CSMD1: variants seen among roughly 807,000 people sequenced by gnomAD.
CSMD1 encodes the protein CUB and Sushi multiple domains 1, also known as CUB and sushi domain-containing protein 1.
A neutral mutation model predicts 417.5 loss-of-function variants in CSMD1; 213 were observed. The observed-to-expected ratio is 0.51, with a 90% CI of 0.46 to 0.57. CSMD1 has a LOEUF of 0.57. CSMD1 is among the 20% of genes least tolerant of loss of function. The pLI, the probability that CSMD1 is intolerant of heterozygous loss-of-function variation, is 0.00. For missense variants in CSMD1, 6,923 were observed against 4,529.7 expected (o/e 1.53, Z -15.17); for synonymous variants, 2,862 against 1,736.8 (o/e 1.65, Z -16.11).
intron 1 of CSMD1, among the ~76,000 whole-genome samples, chr8:4,871,840 G>T (rs150154423): frequency 1.3e-5 from 2 of 152,210 alleles, no homozygotes; most frequent in East Asian, 3.9e-4. Flanking sequence ...GGCAGGTTCT[G>T]TGCTTGCCAG....
intron 1 of CSMD1, among the ~76,000 whole-genome samples, chr8:4,854,210 G>T (rs531479952): frequency 6.6e-6 from 1 of 152,168 alleles, no homozygotes; most frequent in Non-Finnish European, 1.5e-5. Flanking sequence ...GGATGCAGGA[G>T]TGGAAAGATA....
intron 10 of CSMD1, among the ~76,000 whole-genome samples, chr8:3,496,440 G>T (rs953639229): frequency 2.6e-5 from 4 of 152,176 alleles, no homozygotes; most frequent in African/African-American, 9.7e-5. Context: ...ACTCCTCCAG[G>T]CCACAGAGCT....
At chr8:3,951,406 G>T (rs1222568490) in intron 5 of CSMD1, among the ~76,000 whole-genome samples, 2 of 152,184 alleles carry the variant, frequency 1.3e-5, no homozygotes, top group Non-Finnish European at 2.9e-5. Flanking sequence ...AGGCATTTGG[G>T]GCAGAATGTA....
At chr8:4,466,921 G>C (rs543188175) in intron 2 of CSMD1, among the ~76,000 whole-genome samples, 10 of 151,984 alleles carry the variant, frequency 6.6e-5, no homozygotes, top group African/African-American at 1.7e-4. Flanking sequence ...TGTTTTTACA[G>C]CATTGAAATT....
At chr8:3,833,288 T>C (rs554663200) in intron 5 of CSMD1, among the ~76,000 whole-genome samples, 31 of 152,270 alleles carry the variant, frequency 2.0e-4, no homozygotes, top group African/African-American at 7.5e-4. Flanking sequence ...CACTGATATC[T>C]GTTTATTTTA....
At chr8:3,970,386 C>G (rs1218846577) in intron 5 of CSMD1, among the ~76,000 whole-genome samples, 1 of 152,154 alleles carries the variant, frequency 6.6e-6, no homozygotes, top group African/African-American at 2.4e-5. Flanking sequence ...AACAGTAAAT[C>G]TGAAACGAGA....
intron 10 of CSMD1, among the ~76,000 whole-genome samples, chr8:3,523,006 TACACACACCCACAC>T (rs1797572462): frequency 8.8e-6 from 1 of 113,334 alleles, no homozygotes; most frequent in African/African-American, 3.6e-5. Context: ...GATACATATA[TACACACACCCACAC>T]ACACACACAC....
chr8:3,508,720 T>G (rs1166535536), intron 10 of CSMD1, among the ~76,000 whole-genome samples: 3 of 152,120 alleles, frequency 2.0e-5, no homozygotes, highest in Non-Finnish European at 4.4e-5. Flanking sequence ...ATGAATATTT[T>G]AAAATTTAAA....
At chr8:4,993,424 A>T (rs1363579126) in intron 1 of CSMD1, among the ~76,000 whole-genome samples, 1 of 99,514 alleles carries the variant, frequency 1.0e-5, no homozygotes, top group Non-Finnish European at 2.9e-5. Context: ...CTGTCTCAAA[A>T]GGGAGCTTAT....
chr8:3,695,376 C>G (rs1276717410), intron 7 of CSMD1, among the ~76,000 whole-genome samples: 1 of 151,846 alleles, frequency 6.6e-6, no homozygotes, highest in Non-Finnish European at 1.5e-5. Context: ...AATAATGACT[C>G]AACGTGTCCT....
At chr8:4,717,832 A>T (rs1308816568) in intron 1 of CSMD1, among the ~76,000 whole-genome samples, 1 of 152,174 alleles carries the variant, frequency 6.6e-6, no homozygotes, top group Non-Finnish European at 1.5e-5. Flanking sequence ...CCACCCCAGG[A>T]ATCTCTTCAC....
intron 2 of CSMD1, among the ~76,000 whole-genome samples, chr8:4,610,590 G>T (rs1334934391): frequency 6.6e-6 from 1 of 152,054 alleles, no homozygotes; most frequent in Non-Finnish European, 1.5e-5. Context: ...CCCTGCTTTG[G>T]TAAATATCTG....
chr8:4,021,786 G>C (rs528977548), intron 4 of CSMD1, among the ~76,000 whole-genome samples: 1 of 152,098 alleles, frequency 6.6e-6, no homozygotes, highest in Non-Finnish European at 1.5e-5. Context: ...AAATGAAGAA[G>C]CCATTTAGTG....
chr8:3,321,957 C>G (rs1806181814), intron 23 of CSMD1, among the ~76,000 whole-genome samples: 1 of 152,176 alleles, frequency 6.6e-6, no homozygotes, highest in Non-Finnish European at 1.5e-5. Flanking sequence ...AAAATGGAAC[C>G]TACACAGTTT....
intron 1 of CSMD1, among the ~76,000 whole-genome samples, chr8:4,786,037 T>G (rs910748757): frequency 1.3e-5 from 2 of 152,122 alleles, no homozygotes; most frequent in African/African-American, 4.8e-5. Context: ...AGAAATAGAA[T>G]AGCCAACATT....
At chr8:4,422,557 A>G (rs1797309771) in intron 2 of CSMD1, among the ~76,000 whole-genome samples, 1 of 152,100 alleles carries the variant, frequency 6.6e-6, no homozygotes. Context: ...TCTACAAGTC[A>G]GGAAGAGAGC....
chr8:4,519,247 A>C, intron 2 of CSMD1, among the ~76,000 whole-genome samples: 1 of 152,138 alleles, frequency 6.6e-6, no homozygotes, highest in East Asian at 1.9e-4. Context: ...TGCATACTCA[A>C]TGCTGGCCTG....
Position 2,949,398 on chromosome 8 carries a change from G to GGAAGAAAAGA in CSMD1, c.10315-13_10315-12insTCTTTTCTTC. The GGAAGAAAAGA allele has an allele frequency of 8.7e-7, 1 of 1,145,632 alleles. No homozygotes were observed. Among genetic ancestry groups the GGAAGAAAAGA allele is most frequent in the Non-Finnish European group, 1.3e-6 (1 of 785,650 alleles). The allele number at this position is 1,145,632 out of a possible 1,614,324, so 71.0% of individuals were successfully genotyped here. A position where few individuals can be genotyped will look rare whatever the true frequency, so the allele number is the denominator to read the frequency against. On this transcript the variant is annotated splice_polypyrimidine_tract_variant and intron_variant, in intron 67 of 69. Coordinates refer to ENST00000635120, the MANE Select transcript of CSMD1 (RefSeq NM_033225.6). ...AGTCCAGATGACACCTGACACATAG[G>GGAAGAAAAGA]AAAGAAAAGAAAAGAAATAAAAAGG...
At chr8:4,528,643 T>C (rs777875566) in intron 2 of CSMD1, among the ~76,000 whole-genome samples, 3 of 152,186 alleles carry the variant, frequency 2.0e-5, no homozygotes, top group Admixed American at 6.5e-5. Flanking sequence ...GTTTATGGCA[T>C]AGATTGCAGC....
Sources: allele counts gnomAD v4.1 joint callset (sites outside exome capture counted in the v4.1 genomes callset), GRCh38; gene constraint gnomAD v4.1.1; transcripts MANE v1.5; gene names NCBI Gene and HGNC (gene_info 2026-07-23, HGNC 2026-07-21).